UNC79: variants seen among roughly 807,000 people sequenced by gnomAD.
UNC79 encodes protein unc-79 homolog.
Under a neutral mutation model 283.1 loss-of-function variants are expected in UNC79, and 37 were observed. The ratio of observed to expected loss-of-function variants is 0.13; its 90% CI spans 0.10 to 0.17. The LOEUF (loss-of-function observed/expected upper bound fraction) is 0.17. Ranked by LOEUF, UNC79 falls within the 10% of genes least tolerant of loss-of-function variation. The probability of loss-of-function intolerance (pLI) is 1.00; values close to 1 mark genes in which losing one functional copy is unlikely to be tolerated. For missense variants in UNC79, 2,272 were observed against 3,211.1 expected, an observed-to-expected ratio of 0.71 and a Z score of 7.07; for synonymous variants, 1,107 against 1,200.2, an observed-to-expected ratio of 0.92 and a Z score of 1.61.
chr14:93,384,920 A>G (rs1370737881), intron 1 of UNC79, among the ~76,000 whole-genome samples: 1 of 152,198 alleles, frequency 6.6e-6, no homozygotes, highest in African/African-American at 2.4e-5. Context: ...TTCTCCAAGC[A>G]CCATTTATTG....
rs2055849504 is a variant in UNC79 at position 93,430,946 on chromosome 14, C to T, written c.-84C>T. On this transcript the variant is annotated 5_prime_UTR_variant, in exon 1 of 49. Transcript: ENST00000555664. The surrounding 1 kb of genome is among the most constrained non-coding windows in gnomAD (Gnocchi z 4.6). The stretch of plus-strand genomic sequence containing the variant: ...GGGTGGGGGGTGGGGGGTATGCACT[C>T]TTTTCCTCGCAACATCGCTGGCGGA... The T allele has an allele frequency of 1.5e-6, 1 of 689,432 alleles. No homozygotes were observed. Among genetic ancestry groups the T allele is most frequent in the African/African-American group, 1.8e-5 (1 of 56,406 alleles). The allele number at this position is 689,432 out of a possible 1,614,324, so 42.7% of individuals were successfully genotyped here. A position where few individuals can be genotyped will look rare whatever the true frequency, so the allele number is the denominator to read the frequency against.
intron 10 of UNC79, 50 bp from the exon 11 acceptor site, chr14:93,532,496 AAATT>A: frequency 6.3e-7 from 1 of 1,579,206 alleles, no homozygotes; most frequent in South Asian, 1.2e-5. Context: ...AATTAAATAA[AAATT>A]AGAGGGGCTC....
At chr14:93,340,255 ACGC>A (rs1334288285) in intron 1 of UNC79, among the ~76,000 whole-genome samples, 3 of 152,164 alleles carry the variant, frequency 2.0e-5, no homozygotes, top group Non-Finnish European at 4.4e-5. Flanking sequence ...ATCCTGGCTA[ACGC>A]GGTGAAATGC....
chr14:93,572,716 G>A, exon 16 of UNC79: 1 of 1,614,106 alleles, frequency 6.2e-7, no homozygotes, highest in Non-Finnish European at 8.5e-7. Context: ...ATTGAACTCT[G>A]TCCTCTGCCT....
intron 1 of UNC79, among the ~76,000 whole-genome samples, chr14:93,367,151 G>T (rs2054352266): frequency 6.6e-6 from 1 of 151,848 alleles, no homozygotes; most frequent in Non-Finnish European, 1.5e-5. Flanking sequence ...CTTCATTCCT[G>T]CAAAACAAAT....
intron 31 of UNC79, among the ~76,000 whole-genome samples, chr14:93,633,228 G>A (rs773357466): frequency 6.6e-6 from 1 of 152,238 alleles, no homozygotes; most frequent in Non-Finnish European, 1.5e-5. Flanking sequence ...TTAGTATTAG[G>A]TTGAGTAGTC....
At chr14:93,496,275 A>T in intron 5 of UNC79, 136 bp from the exon 6 acceptor site, 1 of 548,184 alleles carries the variant, frequency 1.8e-6, no homozygotes, top group Non-Finnish European at 3.1e-6. Context: ...GTATGAATAT[A>T]TGGAGAGAAG....
intron 8 of UNC79, 109 bp from the exon 9 acceptor site, chr14:93,528,449 C>T: frequency 1.0e-6 from 1 of 981,074 alleles, no homozygotes; most frequent in Non-Finnish European, 1.5e-6. Context: ...AATGTTTATT[C>T]CACCTCGCTT....
chr14:93,609,424 T>C (rs1447047623), intron 26 of UNC79, among the ~76,000 whole-genome samples: 1 of 152,198 alleles, frequency 6.6e-6, no homozygotes, highest in East Asian at 1.9e-4. Flanking sequence ...TATTACACTT[T>C]GGAGTTTCAA....
intron 1 of UNC79, among the ~76,000 whole-genome samples, chr14:93,370,341 C>T (rs1302640545): frequency 6.6e-6 from 1 of 152,094 alleles, no homozygotes; most frequent in African/African-American, 2.4e-5. Flanking sequence ...ACAATGTAAG[C>T]AGAGAGGTGG....
intron 1 of UNC79, among the ~76,000 whole-genome samples, chr14:93,457,997 A>G (rs2056843711): frequency 6.6e-6 from 1 of 152,214 alleles, no homozygotes; most frequent in African/African-American, 2.4e-5. Context: ...GAAAAAAATA[A>G]AAAGGTTTCA....
At chr14:93,365,316 C>T (rs972721137) in intron 1 of UNC79, among the ~76,000 whole-genome samples, 3 of 135,858 alleles carry the variant, frequency 2.2e-5, no homozygotes, top group East Asian at 2.3e-4. Context: ...ACCTGGGAGG[C>T]GGAGGTTGGC....
Position 93,544,786 on chromosome 14 carries a change from C to T in UNC79, c.1755+2090C>T, listed in dbSNP as rs566399077. 5.9e-5 allele frequency among the ~76,000 whole-genome samples: 9 copies of T among 152,264 alleles called. No homozygotes were observed. The South Asian group carries it at 1.9e-3, about 32-fold the overall frequency. On this transcript the variant is annotated intron_variant, in intron 14 of 48. Coordinates refer to ENST00000555664, the Ensembl canonical transcript of UNC79. ...CTAGGTTTTGAGTACGGAGGGCAGA[C>T]AGTTGAGAAGATGTCTAGATGTTGG... is the stretch of plus-strand genomic sequence containing the variant.
intron 31 of UNC79, among the ~76,000 whole-genome samples, chr14:93,636,122 G>A (rs954129827): frequency 6.6e-6 from 1 of 152,146 alleles, no homozygotes; most frequent in African/African-American, 2.4e-5. Context: ...TTATAAAAAG[G>A]CAAACTGATC....
chr14:93,603,239 C>G, exon 26 of UNC79: 1 of 1,613,788 alleles, frequency 6.2e-7, no homozygotes, highest in Non-Finnish European at 8.5e-7. Flanking sequence ...TTTTGCAAAG[C>G]CATCACTGCT....
At chr14:93,691,637 C>T in intron 45 of UNC79, 112 bp from the exon 49 acceptor site, 1 of 1,094,860 alleles carries the variant, frequency 9.1e-7, no homozygotes, top group Non-Finnish European at 1.4e-6. Flanking sequence ...AACGTTATGC[C>T]TTTGTGCTTC....
intron 34 of UNC79, 122 bp downstream of exon 37, chr14:93,643,819 C>G: frequency 7.1e-7 from 1 of 1,400,038 alleles, no homozygotes; most frequent in Non-Finnish European, 9.6e-7. Flanking sequence ...GTATTTGTGA[C>G]ATCAACTCAG....
chr14:93,691,138 A>T (rs2074660340), intron 45 of UNC79: 1 of 154,368 alleles, frequency 6.5e-6, no homozygotes, highest in Non-Finnish European at 1.4e-5. Context: ...TGAGCTTGAC[A>T]AGTGTGTCTA....
intron 42 of UNC79, among the ~76,000 whole-genome samples, chr14:93,684,301 C>T (rs1383898908): frequency 6.6e-6 from 1 of 152,116 alleles, no homozygotes; most frequent in African/African-American, 2.4e-5. Context: ...ACCAACCTTG[C>T]TGGAGGGCAG....
Sources: allele counts gnomAD v4.1 joint callset (sites outside exome capture counted in the v4.1 genomes callset), GRCh38; gene constraint gnomAD v4.1.1; non-coding constraint Gnocchi (gnomAD v3.1); transcripts MANE v1.5; gene names NCBI Gene and HGNC (gene_info 2026-07-23, HGNC 2026-07-21).